TAS2R4: variants seen among roughly 807,000 people sequenced by gnomAD.
TAS2R4 encodes taste 2 receptor member 4, also known as taste receptor type 2 member 4.
A neutral mutation model predicts 14.3 loss-of-function variants in TAS2R4; 18 were observed. The ratio of observed to expected loss-of-function variants is 1.26; its 90% CI spans 0.87 to 1.86. The LOEUF is 1.86. Among genes scored for constraint, TAS2R4 ranks in the 40% most tolerant of loss-of-function variants. The pLI is 0.00. For synonymous variants in TAS2R4, 130 were observed against 138.5 expected (o/e 0.94, Z 0.43); for missense variants, 306 against 342.7 (o/e 0.89, Z 0.85).
rs1800276299 is a variant in TAS2R4, at chr7:141,778,612, T to C, written c.124T>C (p.Ser42Pro). Residue 42 changes from serine (S) to proline (P), a missense_variant, in exon 1 of 1, where the codon TCC becomes CCC. Transcript: ENST00000247881. ...AACTTGGGTCAAAAGCCATAGAATC[T>C]CCTCTTCTGATAGGATTCTGTTCAG... is the stretch of plus-strand genomic sequence containing the variant. ...CKTWVKSHRI[S>P]SSDRILFSLG... is the part of the protein sequence containing the mutation. 2.5e-6 allele frequency: 4 copies of C among 1,614,242 alleles called. No individual in the cohort carries two copies. The East Asian group carries it at 8.9e-5, about 36-fold the overall frequency.
Position 141,777,615 on chromosome 7 carries a change from C to T in TAS2R4, c.-874C>T, listed in dbSNP as rs1800259531. Among the ~76,000 whole-genome samples the T allele has an allele frequency of 6.6e-6, 1 of 152,216 alleles. No individual in the cohort carries two copies. The highest frequency in any genetic ancestry group is 1.5e-5 in the Non-Finnish European group (1 of 68,032). On this transcript the variant is annotated 5_prime_UTR_variant, in exon 1 of 1. Coordinates refer to ENST00000247881, the MANE Select transcript of TAS2R4 (RefSeq NM_016944.2). ...AGCTGTTTGGCTCACAAAACTACAA[C>T]TAATGCATTACTGTGTATCTCATTC... is the stretch of plus-strand genomic sequence containing the variant.
In TAS2R4 at chr7:141,778,262, C is replaced by G. The variant is rs527792284; in HGVS notation, c.-227C>G. 2.0e-5 allele frequency among the ~76,000 whole-genome samples: 3 copies of G among 152,260 alleles called. No homozygotes were observed. The South Asian group carries it at 6.2e-4, about 32-fold the overall frequency. On this transcript the variant is annotated 5_prime_UTR_variant, in exon 1 of 1. Coordinates refer to ENST00000247881, the MANE Select transcript of TAS2R4 (RefSeq NM_016944.2). ...CTAGGCTTGCTGTAATTAGGCATTT[C>G]TAAGGAGAACAGGATACTAATGAAG...
Position 141,779,579 on chromosome 7 carries a change from G to T in TAS2R4, c.*191G>T. ...TGGTATGTAAGTATTTTAAAATAAG[G>T]CACATTCTGTAAGAAACTTTTTTGA... is the stretch of plus-strand genomic sequence containing the variant. On this transcript the variant is annotated 3_prime_UTR_variant, in exon 1 of 1. Coordinates refer to ENST00000247881, the MANE Select transcript of TAS2R4 (RefSeq NM_016944.2). 1 of 544,706 alleles carries T rather than the reference G, an allele frequency of 1.8e-6. No homozygotes were observed. The highest frequency in any genetic ancestry group is 3.0e-6 in the Non-Finnish European group (1 of 328,812). The allele number at this position is 544,706 out of a possible 1,614,324, so 33.7% of individuals were successfully genotyped here.
Position 141,778,499 on chromosome 7 carries a change from T to G in TAS2R4, c.11T>G (p.Leu4Ter). 1 of 1,610,696 alleles carries G rather than the reference T, an allele frequency of 6.2e-7. No individual in the cohort carries two copies. The highest frequency in any genetic ancestry group is 8.5e-7 in the Non-Finnish European group (1 of 1,178,384). The change falls in exon 1 of 1, where the codon TTA becomes TGA. Residue 4 changes from leucine (L) to a stop codon, truncating the protein, a stop_gained. Transcript: ENST00000247881. LOFTEE classifies it high-confidence loss of function. ...CCTCAATGAGTAAAGATGCTTCGGT[T>G]ATTCTATTTCTCTGCTATTATTGCC... MLR[L>*]FYFSAIIASV...
chr7:141,778,505 A>G lies in TAS2R4; in HGVS notation c.17A>G (p.Tyr6Cys), dbSNP rs2233997. 15 of 1,612,478 alleles carry G rather than the reference A, an allele frequency of 9.3e-6. No individual in the cohort carries two copies. The South Asian group carries it at 9.9e-5, about 11-fold the overall frequency. Reference protein sequence around the residue: MLRLFYFSAIIASVIL... With the variant: MLRLFCFSAIIASVIL... Reference sequence around the variant, plus strand: ...TGAGTAAAGATGCTTCGGTTATTCTATTTCTCTGCTATTATTGCCTCAGTT... The same window carrying G: ...TGAGTAAAGATGCTTCGGTTATTCTGTTTCTCTGCTATTATTGCCTCAGTT... The change falls in exon 1 of 1, where the codon TAT becomes TGT. Residue 6 changes from tyrosine (Y) to cysteine (C), a missense_variant. Transcript: ENST00000247881.
In TAS2R4 at chr7:141,779,154, G is replaced by A. The variant is rs1335496659; in HGVS notation, c.666G>A (p.Thr222=). 1.1e-5 allele frequency: 17 copies of A among 1,614,088 alleles called. No homozygotes were observed. Among genetic ancestry groups the A allele is most frequent in the African/African-American group, 4.0e-5 (3 of 75,024 alleles). The change falls in exon 1 of 1, where the codon ACG becomes ACA. Residue 222 remains threonine, a synonymous_variant. Coordinates refer to ENST00000247881, the MANE Select transcript of TAS2R4 (RefSeq NM_016944.2). ...CCACTGGTTTCTGGAATCCCCAGAC[G>A]GAAGCTCATGTAGGTGCTATGAAGC... ...KNATGFWNPQ[T]EAHVGAMKLM...
rs1800257886 is a variant in TAS2R4, at chr7:141,777,473, A to C, written c.-1016A>C. Reference sequence around the variant, plus strand: ...CTTGGTTTCATTCAGCTGCTAGAGAAGATAAGAGATGCCATACTCTTACAT... The same window carrying C: ...CTTGGTTTCATTCAGCTGCTAGAGACGATAAGAGATGCCATACTCTTACAT... On this transcript the variant is annotated 5_prime_UTR_variant, in exon 1 of 1. Coordinates refer to ENST00000247881, the MANE Select transcript of TAS2R4 (RefSeq NM_016944.2). Among the ~76,000 whole-genome samples, 1 of 152,214 alleles carries C rather than the reference A, an allele frequency of 6.6e-6. No individual in the cohort carries two copies. Among genetic ancestry groups the C allele is most frequent in the African/African-American group, 2.4e-5 (1 of 41,446 alleles).
rs998252383 is a variant in TAS2R4 at position 141,781,556 on chromosome 7, T to A, written c.*2168T>A. Reference sequence around the variant, plus strand: ...TACTAAGTGAAATTGAAATAAAACCTGTACATGTGGTATAATACCATTTTT... The same window carrying A: ...TACTAAGTGAAATTGAAATAAAACCAGTACATGTGGTATAATACCATTTTT... On this transcript the variant is annotated 3_prime_UTR_variant, in exon 1 of 1. Transcript: ENST00000247881. 1.3e-5 allele frequency among the ~76,000 whole-genome samples: 2 copies of A among 148,880 alleles called. No homozygotes were observed. Among genetic ancestry groups the A allele is most frequent in the Non-Finnish European group, 3.0e-5 (2 of 67,128 alleles).
chr7:141,778,414 G>A lies in TAS2R4; in HGVS notation c.-75G>A. ...ATGTCCTTCCTGGCTGGATACTGGT[G>A]TCTGCTTATACATTTTGGTATTTCT... On this transcript the variant is annotated 5_prime_UTR_variant, in exon 1 of 1. Coordinates refer to ENST00000247881, the MANE Select transcript of TAS2R4 (RefSeq NM_016944.2). 7.3e-7 allele frequency: 1 copy of A among 1,370,146 alleles called. No individual in the cohort carries two copies. Among genetic ancestry groups the A allele is most frequent in the Non-Finnish European group, 1.0e-6 (1 of 1,003,470 alleles). 84.9% of individuals were successfully genotyped at this position (1,370,146 alleles called of 1,614,324 possible). A position where few individuals can be genotyped will look rare whatever the true frequency, so the allele number is the denominator to read the frequency against.
chr7:141,777,971 TG>T lies in TAS2R4; in HGVS notation c.-517del, dbSNP rs1800264897. Among the ~76,000 whole-genome samples the T allele has an allele frequency of 7.2e-6, 1 of 139,026 alleles. No individual in the cohort carries two copies. Among genetic ancestry groups the T allele is most frequent in the South Asian group, 2.6e-4 (1 of 3,794 alleles). The allele number at this position is 139,026 out of a possible 152,430, so 91.2% of individuals were successfully genotyped here. A position where few individuals can be genotyped will look rare whatever the true frequency, so the allele number is the denominator to read the frequency against. ...ATTGGCATGGCCAATTGGTGAAACT[TG>T]TTGTGGCAGCAACAGATTAGAGGGG... On this transcript the variant is annotated 5_prime_UTR_variant, in exon 1 of 1. Coordinates refer to ENST00000247881, the MANE Select transcript of TAS2R4 (RefSeq NM_016944.2).
rs1800295778 is a variant in TAS2R4 at position 141,779,631 on chromosome 7, G to A, written c.*243G>A. On this transcript the variant is annotated 3_prime_UTR_variant, in exon 1 of 1. Transcript: ENST00000247881. ...GCATTATTTGTCATGTATTTTGCATGGCCATTGAATCCATGTATAATGGAA... is the reference window on the plus strand; with the variant it reads ...GCATTATTTGTCATGTATTTTGCATAGCCATTGAATCCATGTATAATGGAA... The A allele has an allele frequency of 4.8e-6, 2 of 420,636 alleles. No homozygotes were observed. The highest frequency in any genetic ancestry group is 8.0e-5 in the Admixed American group (2 of 24,902). The allele number at this position is 420,636 out of a possible 1,614,324, so 26.1% of individuals were successfully genotyped here.
rs1008255008 is a variant in TAS2R4, at chr7:141,777,435, T to C, written c.-1054T>C. Among the ~76,000 whole-genome samples, 13 of 152,204 alleles carry C rather than the reference T, an allele frequency of 8.5e-5. No individual in the cohort carries two copies. Among genetic ancestry groups the C allele is most frequent in the African/African-American group, 2.9e-4 (12 of 41,452 alleles). On this transcript the variant is annotated 5_prime_UTR_variant, in exon 1 of 1. Transcript: ENST00000247881. ...TACTTTGGTAACATCTGTGGCTGCA[T>C]CCAGGATTGCACCTTGGTTTCATTC...
rs142376673 is a variant in TAS2R4, at chr7:141,778,525, T to G, written c.37T>G (p.Ser13Ala). The G allele has an allele frequency of 1.2e-6, 2 of 1,613,814 alleles. No homozygotes were observed. Among genetic ancestry groups the G allele is most frequent in the African/African-American group, 2.7e-5 (2 of 74,922 alleles). ...RLFYFSAIIASVILNFVGIIM... is the reference protein window; with the variant it reads ...RLFYFSAIIAAVILNFVGIIM... The stretch of plus-strand genomic sequence containing the variant: ...ATTCTATTTCTCTGCTATTATTGCC[T>G]CAGTTATTTTAAATTTTGTAGGAAT... The change falls in exon 1 of 1, where the codon TCA becomes GCA. Residue 13 changes from serine to alanine, a missense_variant. Ser to Ala is a moderately conservative substitution (Grantham distance 99). Transcript: ENST00000247881.
Position 141,776,920 on chromosome 7 carries a change from C to T in TAS2R4, c.-1569C>T, listed in dbSNP as rs1027097260. Among the ~76,000 whole-genome samples, 3 of 152,084 alleles carry T rather than the reference C, an allele frequency of 2.0e-5. No homozygotes were observed. Among genetic ancestry groups the T allele is most frequent in the Non-Finnish European group, 4.4e-5 (3 of 68,010 alleles). On this transcript the variant is annotated 5_prime_UTR_variant, in exon 1 of 1. Transcript: ENST00000247881. ...CACATCTTAATTATAGCACTTCCTC[C>T]TACAGAGAACCCAACAATTTGGTAT...
rs1800275493 is a variant in TAS2R4, at chr7:141,778,570, A to G, written c.82A>G (p.Thr28Ala). The G allele has an allele frequency of 5.0e-6, 8 of 1,614,190 alleles. No homozygotes were observed. The East Asian group carries it at 1.8e-4, about 36-fold the overall frequency. Reference protein sequence around the residue: ...FVGIIMNLFITVVNCKTWVKS... With the variant: ...FVGIIMNLFIAVVNCKTWVKS... Reference sequence around the variant, plus strand: ...AGGAATCATTATGAATCTGTTTATTACAGTGGTCAATTGCAAAACTTGGGT... The same window carrying G: ...AGGAATCATTATGAATCTGTTTATTGCAGTGGTCAATTGCAAAACTTGGGT... The change falls in exon 1 of 1, where the codon ACA becomes GCA. Residue 28 changes from threonine (T) to alanine (A), a missense_variant. Transcript: ENST00000247881.
rs145541218 is a variant in TAS2R4, at chr7:141,780,372, T to C, written c.*984T>C. The C allele has an allele frequency of 2.1e-3, 323 of 152,332 alleles. 1 individual carries two copies. The highest frequency in any genetic ancestry group is 7.6e-3 in the African/African-American group (314 of 41,582). 9.4% of individuals were successfully genotyped at this position (152,332 alleles called of 1,614,324 possible). On this transcript the variant is annotated 3_prime_UTR_variant, in exon 1 of 1. Transcript: ENST00000247881. ...TTGGTAAGTAGAGGAAAGTGATTAG[T>C]ATTTAAGAAACTGAATCAAGAATGG...
rs763343798 is a variant in TAS2R4 at position 141,779,340 on chromosome 7, T to C, written c.852T>C (p.His284=). The C allele has an allele frequency of 1.9e-6, 3 of 1,611,892 alleles. No homozygotes were observed. The South Asian group carries it at 3.3e-5, about 18-fold the overall frequency. ...PGHSVLIIIT[H]PKLKTTAKKI... ...ATTCTGTTCTCATTATTATCACACA[T>C]CCTAAACTGAAAACAACAGCAAAGA... Residue 284 remains histidine (H), a synonymous_variant, in exon 1 of 1, where the codon CAT becomes CAC. Coordinates refer to ENST00000247881, the MANE Select transcript of TAS2R4 (RefSeq NM_016944.2).
chr7:141,778,500 A>T lies in TAS2R4; in HGVS notation c.12A>T (p.Leu4Phe). The change falls in exon 1 of 1, where the codon TTA (leucine) becomes TTT (phenylalanine). Residue 4 changes from leucine to phenylalanine, a missense_variant. Coordinates refer to ENST00000247881, the MANE Select transcript of TAS2R4 (RefSeq NM_016944.2). Reference sequence around the variant, plus strand: ...CTCAATGAGTAAAGATGCTTCGGTTATTCTATTTCTCTGCTATTATTGCCT... The same window carrying T: ...CTCAATGAGTAAAGATGCTTCGGTTTTTCTATTTCTCTGCTATTATTGCCT... MLR[L>F]FYFSAIIASV... 1 of 1,610,996 alleles carries T rather than the reference A, an allele frequency of 6.2e-7. No homozygotes were observed. The highest frequency in any genetic ancestry group is 8.5e-7 in the Non-Finnish European group (1 of 1,178,556).
rs1042607544 is a variant in TAS2R4, at chr7:141,781,187, TACTC to T, written c.*1800_*1803del. 1.3e-5 allele frequency among the ~76,000 whole-genome samples: 2 copies of T among 152,226 alleles called. No individual in the cohort carries two copies. The highest frequency in any genetic ancestry group is 4.8e-5 in the African/African-American group (2 of 41,456). Reference sequence around the variant, plus strand: ...TTCCCTTCTTTAATCTTTTCTTTGTTACTCCCTCCATGAGCTGGAATGCTGACAT... The same window carrying T: ...TTCCCTTCTTTAATCTTTTCTTTGTTCCTCCATGAGCTGGAATGCTGACAT... On this transcript the variant is annotated 3_prime_UTR_variant, in exon 1 of 1. Coordinates refer to ENST00000247881, the MANE Select transcript of TAS2R4 (RefSeq NM_016944.2).
Sources: allele counts gnomAD v4.1 joint callset (sites outside exome capture counted in the v4.1 genomes callset), GRCh38; gene constraint gnomAD v4.1.1; transcripts MANE v1.5; gene names NCBI Gene and HGNC (gene_info 2026-07-23, HGNC 2026-07-21).